PPP1R1C: variants seen among roughly 807,000 people sequenced by gnomAD.
PPP1R1C encodes protein phosphatase 1 regulatory inhibitor subunit 1C.
Under a neutral mutation model 17.4 loss-of-function variants are expected in PPP1R1C, and 15 were observed. The observed-to-expected ratio is 0.86, with a 90% CI of 0.58 to 1.33. PPP1R1C has a LOEUF of 1.33. PPP1R1C is among the 40% of genes most tolerant of loss of function. The pLI, the probability that PPP1R1C is intolerant of heterozygous loss-of-function variation, is 0.00. For synonymous variants in PPP1R1C, 35 were observed against 43.1 expected (o/e 0.81, Z 0.73); for missense variants, 143 against 130.0 (o/e 1.10, Z -0.48).
chr2:182,041,560 G>A (rs1687182873), intron 2 of PPP1R1C, among the ~76,000 whole-genome samples: 1 of 146,932 alleles, frequency 6.8e-6, no homozygotes, highest in Non-Finnish European at 1.5e-5. Context: ...AGTGAACTGA[G>A]GTCATGCCAT....
intron 1 of PPP1R1C, chr2:181,954,731 G>A (rs1030463585): frequency 1.3e-5 from 2 of 152,066 alleles, no homozygotes; most frequent in Admixed American, 6.5e-5. Flanking sequence ...TCAGGAGCTG[G>A]GCTCTGGCAG....
chr2:182,001,427 G>A lies in PPP1R1C; in HGVS notation c.142+13528G>A, dbSNP rs561922886. Among the ~76,000 whole-genome samples, 4 of 152,168 alleles carry A rather than the reference G, an allele frequency of 2.6e-5. No individual in the cohort carries two copies. In the South Asian group the frequency reaches 6.2e-4, roughly 24 times the overall value. The stretch of plus-strand genomic sequence containing the variant: ...CTGATTTTAAAGTGTCAATAAAATG[G>A]TAATGCTGGAAAACTGAATACACAA... On this transcript the variant is annotated intron_variant, in intron 2 of 4. Coordinates refer to ENST00000682840, the MANE Select transcript of PPP1R1C (RefSeq NM_001080545.3).
At chr2:182,019,430 C>A (rs1023969353) in intron 2 of PPP1R1C, among the ~76,000 whole-genome samples, 2 of 152,184 alleles carry the variant, frequency 1.3e-5, no homozygotes, top group African/African-American at 4.8e-5. Context: ...CCATTTCAAC[C>A]AGAAGGCACG....
At chr2:182,017,867 G>C (rs928580766) in intron 2 of PPP1R1C, among the ~76,000 whole-genome samples, 1 of 152,084 alleles carries the variant, frequency 6.6e-6, no homozygotes, top group East Asian at 1.9e-4. Context: ...TAGATTTCTG[G>C]GATAAGTCAA....
chr2:182,114,934 T>G (rs1458421277), intron 4 of PPP1R1C, among the ~76,000 whole-genome samples: 1 of 152,232 alleles, frequency 6.6e-6, no homozygotes, highest in Non-Finnish European at 1.5e-5. Flanking sequence ...ATTAATGGAT[T>G]AATGAGTTAA....
In PPP1R1C at chr2:182,040,478, T is replaced by A. The variant is rs1196143; in HGVS notation, c.143-20964T>A. Among the ~76,000 whole-genome samples the A allele has an allele frequency of 5.1e-3, 783 of 152,334 alleles. 6 individuals carry two copies. The highest frequency in any genetic ancestry group is 0.018 in the African/African-American group (745 of 41,586). ...TTTTGAGAGCTGCCTATTCATGTCA[T>A]TTGCCCACTTTTTAATGGGATTATT... is the stretch of plus-strand genomic sequence containing the variant. On this transcript the variant is annotated intron_variant, in intron 2 of 4. Coordinates refer to ENST00000682840, the MANE Select transcript of PPP1R1C (RefSeq NM_001080545.3).
intron 2 of PPP1R1C, among the ~76,000 whole-genome samples, chr2:182,032,091 A>G (rs1686859935): frequency 6.6e-6 from 1 of 152,234 alleles, no homozygotes; most frequent in Admixed American, 6.5e-5. Flanking sequence ...ATTTGTGGTT[A>G]CAGTGATGTA....
rs149042194 is a variant in PPP1R1C, at chr2:182,088,523, A to G, written c.241+24732A>G. Reference sequence around the variant, plus strand: ...GTGGAGTTTGTTTTTCTCCTTGGTTATCAGAGTTTGTGGGTAGCAGTCAAG... The same window carrying G: ...GTGGAGTTTGTTTTTCTCCTTGGTTGTCAGAGTTTGTGGGTAGCAGTCAAG... On this transcript the variant is annotated intron_variant, in intron 4 of 4. Coordinates refer to ENST00000682840, the MANE Select transcript of PPP1R1C (RefSeq NM_001080545.3). Among the ~76,000 whole-genome samples, 3 of 152,266 alleles carry G rather than the reference A, an allele frequency of 2.0e-5. No homozygotes were observed. The East Asian group carries it at 5.8e-4, about 29-fold the overall frequency.
At chr2:181,971,619 T>G (rs1685009834) in intron 1 of PPP1R1C, among the ~76,000 whole-genome samples, 1 of 152,134 alleles carries the variant, frequency 6.6e-6, no homozygotes, top group South Asian at 2.1e-4. Flanking sequence ...ACTCCACACT[T>G]AGCACAGCAC....
At chr2:181,981,777 G>C (rs1685197797), upstream of PPP1R1C, among the ~76,000 whole-genome samples, 1 of 152,176 alleles carries the variant, frequency 6.6e-6, no homozygotes, top group African/African-American at 2.4e-5. Context: ...ATTGAAGGAG[G>C]ACATACAAGG....
At chr2:182,018,737 G>C (rs903190014) in intron 2 of PPP1R1C, among the ~76,000 whole-genome samples, 1 of 152,322 alleles carries the variant, frequency 6.6e-6, no homozygotes, top group East Asian at 1.9e-4. Context: ...TCAGTTAGGA[G>C]ACCAGTGGAA....
intron 1 of PPP1R1C, among the ~76,000 whole-genome samples, 152 bp downstream of exon 1, chr2:181,986,343 C>T (rs1442104234): frequency 1.3e-5 from 2 of 152,128 alleles, no homozygotes; most frequent in African/African-American, 2.4e-5. Flanking sequence ...TTTACACATA[C>T]TTGTATTTAA....
chr2:182,025,388 G>A (rs1405405626), intron 2 of PPP1R1C, among the ~76,000 whole-genome samples: 2 of 138,458 alleles, frequency 1.4e-5, no homozygotes, highest in African/African-American at 5.4e-5. Context: ...TCCCCAGAGT[G>A]TGATATTCCC....
rs1685086579 is a variant in PPP1R1C, at chr2:181,976,031, T to C, written n.157+767T>C. ...AAATATTATTTAAAATTATCTTTGT[T>C]ATTCTGGCTCTTAATTTTTTATTAA... On this transcript the variant is annotated intron_variant and non_coding_transcript_variant, in intron 2 of 5. Coordinates refer to the PPP1R1C transcript ENST00000464264. The surrounding 1 kb of genome is among the most constrained non-coding windows in gnomAD (Gnocchi z 4.8). Among the ~76,000 whole-genome samples, 1 of 152,114 alleles carries C rather than the reference T, an allele frequency of 6.6e-6. No homozygotes were observed. The highest frequency in any genetic ancestry group is 1.5e-5 in the Non-Finnish European group (1 of 67,966).
chr2:182,105,678 A>G (rs1236787638), intron 4 of PPP1R1C, among the ~76,000 whole-genome samples: 1 of 152,182 alleles, frequency 6.6e-6, no homozygotes, highest in Non-Finnish European at 1.5e-5. Flanking sequence ...GCATAAAAGA[A>G]AGGAAGATTT....
At chr2:182,041,295 A>T (rs1232097262) in intron 2 of PPP1R1C, among the ~76,000 whole-genome samples, 2 of 152,280 alleles carry the variant, frequency 1.3e-5, no homozygotes, top group East Asian at 3.9e-4. Flanking sequence ...TGGACTTCTT[A>T]TGAAGCACTT....
chr2:182,014,715 T>C (rs543943228), intron 2 of PPP1R1C, among the ~76,000 whole-genome samples: 232 of 151,958 alleles, frequency 1.5e-3, no homozygotes, highest in Admixed American at 2.8e-3. Flanking sequence ...GTAACCTACT[T>C]GGTGCTCCTT....
At chr2:182,097,507 G>A (rs896990607) in intron 4 of PPP1R1C, among the ~76,000 whole-genome samples, 9 of 152,104 alleles carry the variant, frequency 5.9e-5, no homozygotes, top group Admixed American at 5.2e-4. Context: ...GAATTGACAG[G>A]GGAATAAAAA....
At chr2:182,069,378 C>G (rs142177165) in intron 4 of PPP1R1C, among the ~76,000 whole-genome samples, 1 of 150,814 alleles carries the variant, frequency 6.6e-6, no homozygotes, top group Non-Finnish European at 1.5e-5. Context: ...TTCCTCACAT[C>G]TTTGGATGTG....
Sources: gnomAD v4.1 joint callset for allele counts (sites outside exome capture counted in the v4.1 genomes callset) on GRCh38, gnomAD v4.1.1 for gene constraint, Gnocchi (gnomAD v3.1) non-coding constraint, MANE v1.5 for transcripts, NCBI Gene and HGNC (gene_info 2026-07-23, HGNC 2026-07-21) for gene names.